The following NHSL2 variants were observed in gnomAD, a reference collection of about 807,000 sequenced individuals.
NHSL2 encodes the protein NHS-like protein 2.
A neutral mutation model predicts 53.4 loss-of-function variants in NHSL2; 27 were observed. That is an observed-to-expected ratio of 0.51 (90% CI 0.37 to 0.70). The LOEUF (loss-of-function observed/expected upper bound fraction) is 0.70. NHSL2 is among the 30% of genes least tolerant of loss of function. The pLI, the probability that NHSL2 is intolerant of heterozygous loss-of-function variation, is 0.00. For synonymous variants in NHSL2, 408 were observed against 404.1 expected (o/e 1.01, Z -0.12); for missense variants, 892 against 980.1 (o/e 0.91, Z 1.20).
chrX:72,133,820 C>A, intron 2 of NHSL2: 1 of 262,351 alleles, frequency 3.8e-6, no homozygotes, highest in East Asian at 7.2e-5. Flanking sequence ...TAACTGAGCA[C>A]TCAAGGTGGG....
chrX:72,143,181 C>G (rs2042432966), intron 7 of NHSL2, 72 bp from the exon 8 acceptor site: 1 of 742,444 alleles, frequency 1.3e-6, no homozygotes, highest in Admixed American at 3.7e-5. Context: ...GTGTCACAGG[C>G]ATGGGGGTCT....
chrX:72,131,728 C>G (rs2042303285), intron 1 of NHSL2: 2 of 327,734 alleles, frequency 6.1e-6, no homozygotes, highest in Non-Finnish European at 9.9e-6. Context: ...GCGGAGGGCC[C>G]GGCGGCTCGG....
rs763390984 is a variant in NHSL2, at chrX:72,144,123, G to A, written c.*549G>A. 1.7e-4 allele frequency: 21 copies of A among 126,890 alleles called. No individual in the cohort carries two copies. Among genetic ancestry groups the A allele is most frequent in the Non-Finnish European group, 2.9e-4 (18 of 63,065 alleles). 10.5% of individuals were successfully genotyped at this position (126,890 alleles called of 1,213,427 possible). Reference sequence around the variant, plus strand: ...GAGGTTTGCAGGGTGCACTTATTTCGGCATGAGGTTGATTGGATGGCTTTT... The same window carrying A: ...GAGGTTTGCAGGGTGCACTTATTTCAGCATGAGGTTGATTGGATGGCTTTT... On this transcript the variant is annotated 3_prime_UTR_variant, in exon 8 of 8. Transcript: ENST00000633930.
intron 1 of NHSL2, chrX:72,127,776 C>G (rs767288402): frequency 8.9e-6 from 1 of 112,908 alleles, no homozygotes; most frequent in African/African-American, 3.2e-5. Flanking sequence ...ATGGGGAAAA[C>G]CAGACAATTG....
chrX:72,086,321 C>T (rs1602356718), intron 1 of NHSL2, among the ~76,000 whole-genome samples: 1 of 99,571 alleles, frequency 1.0e-5, no homozygotes, highest in Non-Finnish European at 1.9e-5. Flanking sequence ...TCTCATACTT[C>T]CTTATAGGGA....
chrX:72,000,550 T>A (rs1370817837), intron 1 of NHSL2, among the ~76,000 whole-genome samples: 2 of 112,227 alleles, frequency 1.8e-5, no homozygotes, highest in Non-Finnish European at 3.8e-5. Context: ...TGGACTAAAA[T>A]CAAGATGCTA....
intron 1 of NHSL2, among the ~76,000 whole-genome samples, chrX:72,068,885 G>A (rs919013810): frequency 8.9e-6 from 1 of 111,834 alleles, no homozygotes; most frequent in Non-Finnish European, 1.9e-5. Context: ...ACACCTGGTG[G>A]CCACACTGGG....
intron 1 of NHSL2, among the ~76,000 whole-genome samples, chrX:71,948,597 C>G (rs1190482900): frequency 9.0e-6 from 1 of 110,638 alleles, no homozygotes; most frequent in Non-Finnish European, 1.9e-5. Context: ...TTTGGGAGGC[C>G]GAGGTGGGTG....
At chrX:72,039,700 G>T (rs1249138144) in intron 1 of NHSL2, among the ~76,000 whole-genome samples, 1 of 111,827 alleles carries the variant, frequency 8.9e-6, no homozygotes, top group African/African-American at 3.3e-5. Context: ...ACTCATGTGT[G>T]CATCTTCTTT....
At chrX:72,105,444 G>A (rs1392848400) in intron 1 of NHSL2, among the ~76,000 whole-genome samples, 3 of 111,859 alleles carry the variant, frequency 2.7e-5, no homozygotes, top group Non-Finnish European at 5.6e-5. Flanking sequence ...TTGAGTCCTT[G>A]ATGCCTGTAA....
intron 1 of NHSL2, among the ~76,000 whole-genome samples, chrX:72,050,099 ACACCC>A (rs2042331248): frequency 9.2e-6 from 1 of 108,970 alleles, no homozygotes; most frequent in African/African-American, 3.4e-5. Flanking sequence ...TGGTACTTAG[ACACCC>A]TGCAGGGATG....
At chrX:71,943,000 G>A (rs1188344711) in intron 1 of NHSL2, among the ~76,000 whole-genome samples, 7 of 104,588 alleles carry the variant, frequency 6.7e-5, no homozygotes, top group Non-Finnish European at 1.2e-4. Context: ...GTGTGTGTGT[G>A]TGTGTGTCTT....
chrX:72,024,751 GC>G (rs2042176876), intron 1 of NHSL2, among the ~76,000 whole-genome samples: 2 of 111,783 alleles, frequency 1.8e-5, no homozygotes, highest in Admixed American at 1.9e-4. Flanking sequence ...AATCATCTAT[GC>G]TCATCACCAC....
At chrX:71,943,805 C>G (rs1395085325) in intron 1 of NHSL2, among the ~76,000 whole-genome samples, 1 of 112,243 alleles carries the variant, frequency 8.9e-6, no homozygotes, top group Non-Finnish European at 1.9e-5. Context: ...GTGGCTTAAA[C>G]AAATAGAGGT....
intron 1 of NHSL2, among the ~76,000 whole-genome samples, chrX:72,061,140 C>T (rs189312576): frequency 1.8e-5 from 2 of 112,633 alleles, no homozygotes; most frequent in Non-Finnish European, 3.8e-5. Context: ...ATGGACTGTT[C>T]GAATCACTCA....
intron 1 of NHSL2, among the ~76,000 whole-genome samples, chrX:71,960,306 T>C (rs1277187917): frequency 8.9e-6 from 1 of 112,550 alleles, no homozygotes; most frequent in Non-Finnish European, 1.9e-5. Context: ...TCTCCCATTC[T>C]GAGTTGTCCT....
chrX:71,977,862 G>T (rs1464116326), intron 1 of NHSL2, among the ~76,000 whole-genome samples: 1 of 111,594 alleles, frequency 9.0e-6, no homozygotes, highest in Non-Finnish European at 1.9e-5. Flanking sequence ...TTTCTAGAAG[G>T]AGGTGACCAT....
intron 1 of NHSL2, among the ~76,000 whole-genome samples, chrX:71,913,013 T>C (rs1437448005): frequency 8.9e-6 from 1 of 111,839 alleles, no homozygotes; most frequent in Non-Finnish European, 1.9e-5. Flanking sequence ...AATGGATAGC[T>C]TGCAATGGAG....
intron 1 of NHSL2, among the ~76,000 whole-genome samples, chrX:72,115,654 C>T (rs911222457): frequency 9.1e-6 from 1 of 110,464 alleles, no homozygotes; most frequent in Admixed American, 9.6e-5. Context: ...GGGGCTGGCA[C>T]GGATAAGACA....
Sources: gnomAD v4.1 joint callset for allele counts (sites outside exome capture counted in the v4.1 genomes callset) on GRCh38, gnomAD v4.1.1 for gene constraint, MANE v1.5 for transcripts, NCBI Gene and HGNC (gene_info 2026-07-23, HGNC 2026-07-21) for gene names.